FEM1B: variants seen among roughly 807,000 people sequenced by gnomAD.
FEM1B encodes protein fem-1 homolog B.
In FEM1B, 10 loss-of-function variants were observed where a neutral mutation model predicts 38.6. The ratio of observed to expected loss-of-function variants is 0.26; its 90% CI spans 0.16 to 0.44. FEM1B has a LOEUF of 0.44. Among genes scored for constraint, FEM1B ranks in the 20% least tolerant of loss-of-function variants. The pLI, the probability that FEM1B is intolerant of heterozygous loss-of-function variation, is 1.00. For synonymous variants in FEM1B, 288 were observed against 288.0 expected, an observed-to-expected ratio of 1.00 and a Z score of 0.00; for missense variants, 471 against 786.7, an observed-to-expected ratio of 0.60 and a Z score of 4.80.
In FEM1B at chr15:68,289,900, A is replaced by T; in HGVS notation, c.542A>T (p.Asn181Ile). ...RYLLEQRADP[N>I]AKAHCGATAL... ...CTTTTAGAACAACGTGCTGATCCCA[A>T]TGCCAAAGCACATTGTGGAGCCACA... The change falls in exon 2 of 2, where the codon AAT (asparagine) becomes ATT (isoleucine). Residue 181 changes from asparagine (N) to isoleucine (I), a missense_variant. Coordinates refer to ENST00000306917, the MANE Select transcript of FEM1B (RefSeq NM_015322.5). This position sits in a 1 kb window ranked among gnomAD's most constrained non-coding sequence, Gnocchi z 6.9. 6.2e-7 allele frequency: 1 copy of T among 1,613,998 alleles called. No individual in the cohort carries two copies. Among genetic ancestry groups the T allele is most frequent in the Non-Finnish European group, 8.5e-7 (1 of 1,179,938 alleles).
rs1180089653 is a variant in FEM1B at position 68,292,371 on chromosome 15, T to C, written c.*1129T>C. ...AGCTGCAAATTTTTCAACCACAAAA[T>C]GTCACTTATTCCTACAGGCTATACA... is the stretch of plus-strand genomic sequence containing the variant. On this transcript the variant is annotated 3_prime_UTR_variant, in exon 2 of 2. Coordinates refer to ENST00000306917, the MANE Select transcript of FEM1B (RefSeq NM_015322.5). The C allele has an allele frequency of 6.6e-6, 1 of 152,190 alleles. No homozygotes were observed. The highest frequency in any genetic ancestry group is 1.5e-5 in the Non-Finnish European group (1 of 68,018). 9.4% of individuals were successfully genotyped at this position (152,190 alleles called of 1,614,324 possible). A position where few individuals can be genotyped will look rare whatever the true frequency, so the allele number is the denominator to read the frequency against.
rs1043137452 is a variant in FEM1B at position 68,278,303 on chromosome 15, C to A, written c.-115C>A. ...CCTGGGCGCGGCGGCGGCGACGGCG[C>A]CCTGTTGAATGGGCTGTGAGGGCCC... On this transcript the variant is annotated 5_prime_UTR_variant, in exon 1 of 2. Transcript: ENST00000306917. This position sits in a 1 kb window ranked among gnomAD's most constrained non-coding sequence, Gnocchi z 5.7. 177 of 1,371,970 alleles carry A rather than the reference C, an allele frequency of 1.3e-4. No individual in the cohort carries two copies. The highest frequency in any genetic ancestry group is 7.9e-4 in the Middle Eastern group (3 of 3,796). 85.0% of individuals were successfully genotyped at this position (1,371,970 alleles called of 1,614,324 possible). A position where few individuals can be genotyped will look rare whatever the true frequency, so the allele number is the denominator to read the frequency against.
In FEM1B at chr15:68,289,820, C is replaced by T. The variant is rs1220030326; in HGVS notation, c.462C>T (p.Asp154=). ...ACATCAGCATTGCCAACAAATATGACAACACCTGCCTAATGATTGCGGCAT... is the reference window on the plus strand; with the variant it reads ...ACATCAGCATTGCCAACAAATATGATAACACCTGCCTAATGATTGCGGCAT... ...NANISIANKY[D]NTCLMIAAYK... is the part of the protein sequence containing the mutation. Residue 154 remains aspartate, a synonymous_variant, in exon 2 of 2, where the codon GAC becomes GAT. Transcript: ENST00000306917. This position sits in a 1 kb window ranked among gnomAD's most constrained non-coding sequence, Gnocchi z 6.9. The T allele has an allele frequency of 1.9e-6, 3 of 1,614,108 alleles. No individual in the cohort carries two copies. In the Admixed American group the frequency reaches 5.0e-5, roughly 27 times the overall value.
chr15:68,290,976 G>C lies in FEM1B; in HGVS notation c.1618G>C (p.Val540Leu). ...NEGNSALHII[V>L]QYNRPISDFL... is the part of the protein sequence containing the mutation. Reference sequence around the variant, plus strand: ...GGGAAACAGTGCCCTTCATATTATCGTTCAGTACAACAGGCCCATCAGTGA... The same window carrying C: ...GGGAAACAGTGCCCTTCATATTATCCTTCAGTACAACAGGCCCATCAGTGA... Residue 540 changes from valine to leucine, a missense_variant, in exon 2 of 2, where the codon GTT becomes CTT. Around this residue, in one of 3 missense-constraint regions of FEM1B, gnomAD observed 380 missense variants for 599.6 expected, o/e 0.63. Transcript: ENST00000306917. This position sits in a 1 kb window ranked among gnomAD's most constrained non-coding sequence, Gnocchi z 9.7. 1 of 1,614,112 alleles carries C rather than the reference G, an allele frequency of 6.2e-7. No homozygotes were observed. Among genetic ancestry groups the C allele is most frequent in the Non-Finnish European group, 8.5e-7 (1 of 1,180,014 alleles).
chr15:68,286,387 C>T (rs1306408253), intron 1 of FEM1B, among the ~76,000 whole-genome samples: 1 of 151,862 alleles, frequency 6.6e-6, no homozygotes, highest in Non-Finnish European at 1.5e-5. Flanking sequence ...TCTCTCCTTC[C>T]CATTTTAGAG....
chr15:68,283,885 C>CTTTT (rs35187853), intron 1 of FEM1B, among the ~76,000 whole-genome samples: 1 of 139,156 alleles, frequency 7.2e-6, no homozygotes, highest in Non-Finnish European at 1.6e-5. Flanking sequence ...CTCACGTAAA[C>CTTTT]TTTTTTTTTT....
chr15:68,282,452 T>C (rs1316362405), intron 1 of FEM1B, among the ~76,000 whole-genome samples: 2 of 152,236 alleles, frequency 1.3e-5, no homozygotes, highest in East Asian at 1.9e-4. Context: ...CATTTATATT[T>C]AATGAATTTT....
chr15:68,287,130 A>T (rs1892797707), intron 1 of FEM1B, among the ~76,000 whole-genome samples: 1 of 152,220 alleles, frequency 6.6e-6, no homozygotes, highest in Non-Finnish European at 1.5e-5. Context: ...ACCTCCGGTG[A>T]TCCGCCTGCT....
rs746831997 is a variant in FEM1B at position 68,288,751 on chromosome 15, A to G, written c.249-856A>G. ...TTTTCCTGTAGTGGTTGATTGAGGA[A>G]CACACAGACAAGCAGTATATGCACA... On this transcript the variant is annotated intron_variant, in intron 1 of 1. Transcript: ENST00000306917. The surrounding 1 kb of genome is among the most constrained non-coding windows in gnomAD (Gnocchi z 4.6). Among the ~76,000 whole-genome samples, 6 of 152,198 alleles carry G rather than the reference A, an allele frequency of 3.9e-5. No homozygotes were observed. The highest frequency in any genetic ancestry group is 5.9e-5 in the Non-Finnish European group (4 of 68,042).
In FEM1B at chr15:68,290,276, T is replaced by C; in HGVS notation, c.918T>C (p.Thr306=). ...CAATCCATGCTTATGGGAATAGAACTGAATGTAGAAATCCTCAGGAACTGG... is the reference window on the plus strand; with the variant it reads ...CAATCCATGCTTATGGGAATAGAACCGAATGTAGAAATCCTCAGGAACTGG... ...LPPIHAYGNR[T]ECRNPQELES... is the part of the protein sequence containing the mutation. The change falls in exon 2 of 2, where the codon ACT becomes ACC. Residue 306 remains threonine, a synonymous_variant. Transcript: ENST00000306917. This position sits in a 1 kb window ranked among gnomAD's most constrained non-coding sequence, Gnocchi z 9.7. 1 of 1,614,094 alleles carries C rather than the reference T, an allele frequency of 6.2e-7. No homozygotes were observed. Among genetic ancestry groups the C allele is most frequent in the South Asian group, 1.1e-5 (1 of 91,086 alleles).
At chr15:68,283,558 ATGGATCCCT>A (rs150749745) in intron 1 of FEM1B, among the ~76,000 whole-genome samples, 1,528 of 141,606 alleles carry the variant, frequency 0.011, 37 homozygotes, top group African/African-American at 0.038. Context: ...GCTGAGGTGG[ATGGATCCCT>A]TGAGCCTGGG....
rs1464371749 is a variant in FEM1B at position 68,288,688 on chromosome 15, T to G, written c.249-919T>G. Among the ~76,000 whole-genome samples, 2 of 152,216 alleles carry G rather than the reference T, an allele frequency of 1.3e-5. No homozygotes were observed. Among genetic ancestry groups the G allele is most frequent in the African/African-American group, 2.4e-5 (1 of 41,456 alleles). On this transcript the variant is annotated intron_variant, in intron 1 of 1. Transcript: ENST00000306917. This position sits in a 1 kb window ranked among gnomAD's most constrained non-coding sequence, Gnocchi z 4.6. ...ATGTCAGAGAAGATATCTGCTTGGTTTTCCAAAAGTGCTAATTATTTCCTG... is the reference window on the plus strand; with the variant it reads ...ATGTCAGAGAAGATATCTGCTTGGTGTTCCAAAAGTGCTAATTATTTCCTG...
In FEM1B at chr15:68,292,020, C is replaced by T. The variant is rs1031757898; in HGVS notation, c.*778C>T. The T allele has an allele frequency of 1.3e-5, 2 of 152,246 alleles. No individual in the cohort carries two copies. The highest frequency in any genetic ancestry group is 4.1e-4 in the South Asian group (2 of 4,826). 9.4% of individuals were successfully genotyped at this position (152,246 alleles called of 1,614,324 possible). ...TTGCAGCAGTCTATTTGATTCAGCTCATAGACATGTAAAAATTATGAATGC... is the reference window on the plus strand; with the variant it reads ...TTGCAGCAGTCTATTTGATTCAGCTTATAGACATGTAAAAATTATGAATGC... On this transcript the variant is annotated 3_prime_UTR_variant, in exon 2 of 2. Coordinates refer to ENST00000306917, the MANE Select transcript of FEM1B (RefSeq NM_015322.5).
intron 1 of FEM1B, among the ~76,000 whole-genome samples, chr15:68,283,799 T>A (rs1433673556): frequency 4.6e-5 from 7 of 152,196 alleles, no homozygotes; most frequent in Admixed American, 4.6e-4. Flanking sequence ...AAACAAATGT[T>A]TGAACAATGA....
rs1279665142 is a variant in FEM1B, at chr15:68,290,276, T to A, written c.918T>A (p.Thr306=). The change falls in exon 2 of 2, where the codon ACT becomes ACA. Residue 306 remains threonine, a synonymous_variant. Transcript: ENST00000306917. The surrounding 1 kb of genome is among the most constrained non-coding windows in gnomAD (Gnocchi z 9.7). ...LPPIHAYGNR[T]ECRNPQELES... Reference sequence around the variant, plus strand: ...CAATCCATGCTTATGGGAATAGAACTGAATGTAGAAATCCTCAGGAACTGG... The same window carrying A: ...CAATCCATGCTTATGGGAATAGAACAGAATGTAGAAATCCTCAGGAACTGG... The A allele has an allele frequency of 5.6e-6, 9 of 1,614,094 alleles. No homozygotes were observed. Among genetic ancestry groups the A allele is most frequent in the Non-Finnish European group, 7.6e-6 (9 of 1,180,024 alleles).
At position 68,294,586 on chromosome 15, in the gene FEM1B, GTTTC is replaced by G. The variant is rs1367184097; in HGVS notation, c.*3348_*3351del. ...CACTTTGGGTTATTTAAGCAGAAGCGTTTCTTTTTTTTTTTTGGAATGGGGTGGG... is the reference window on the plus strand; with the variant it reads ...CACTTTGGGTTATTTAAGCAGAAGCGTTTTTTTTTTTTGGAATGGGGTGGG... On this transcript the variant is annotated 3_prime_UTR_variant, in exon 2 of 2. Coordinates refer to ENST00000306917, the MANE Select transcript of FEM1B (RefSeq NM_015322.5). The surrounding 1 kb of genome is among the most constrained non-coding windows in gnomAD (Gnocchi z 4.4). 1.3e-5 allele frequency: 2 copies of G among 150,828 alleles called. No individual in the cohort carries two copies. The highest frequency in any genetic ancestry group is 2.1e-4 in the South Asian group (1 of 4,812). The allele number at this position is 150,828 out of a possible 1,614,324, so 9.3% of individuals were successfully genotyped here. A position where few individuals can be genotyped will look rare whatever the true frequency, so the allele number is the denominator to read the frequency against.
rs1595841277 is a variant in FEM1B, at chr15:68,288,514, T to C, written c.249-1093T>C. 6.6e-6 allele frequency among the ~76,000 whole-genome samples: 1 copy of C among 152,196 alleles called. No homozygotes were observed. The highest frequency in any genetic ancestry group is 1.5e-5 in the Non-Finnish European group (1 of 68,030). On this transcript the variant is annotated intron_variant, in intron 1 of 1. Coordinates refer to ENST00000306917, the MANE Select transcript of FEM1B (RefSeq NM_015322.5). The surrounding 1 kb of genome is among the most constrained non-coding windows in gnomAD (Gnocchi z 4.6). Reference sequence around the variant, plus strand: ...GTCTTTTGGTTAGTGGTAAGAAATTTAGAAATTAAGGTTGGGGAAAAATTG... The same window carrying C: ...GTCTTTTGGTTAGTGGTAAGAAATTCAGAAATTAAGGTTGGGGAAAAATTG...
At position 68,279,578 on chromosome 15, in the gene FEM1B, A is replaced by G. The variant is rs571784769; in HGVS notation, c.248+913A>G. Among the ~76,000 whole-genome samples, 11 of 152,234 alleles carry G rather than the reference A, an allele frequency of 7.2e-5. No homozygotes were observed. The South Asian group carries it at 2.3e-3, about 32-fold the overall frequency. On this transcript the variant is annotated intron_variant, in intron 1 of 1. Coordinates refer to ENST00000306917, the MANE Select transcript of FEM1B (RefSeq NM_015322.5). ...CTTGTGGTAGTACATAAGCTATTTTAGCATTTTTTTTTTCTTTTGAAGTCA... is the reference window on the plus strand; with the variant it reads ...CTTGTGGTAGTACATAAGCTATTTTGGCATTTTTTTTTTCTTTTGAAGTCA...
In FEM1B at chr15:68,277,831, C is replaced by T. The variant is rs1389409537; in HGVS notation, c.-587C>T. Reference sequence around the variant, plus strand: ...TCTTGCGGGAGCGTTCCGCATCGCCCCGGGGGCCCCTACGCGAGGATCTCC... The same window carrying T: ...TCTTGCGGGAGCGTTCCGCATCGCCTCGGGGGCCCCTACGCGAGGATCTCC... On this transcript the variant is annotated 5_prime_UTR_variant, in exon 1 of 2. Coordinates refer to ENST00000306917, the MANE Select transcript of FEM1B (RefSeq NM_015322.5). The T allele has an allele frequency of 6.6e-6, 1 of 152,400 alleles. No homozygotes were observed. Among genetic ancestry groups the T allele is most frequent in the African/African-American group, 2.4e-5 (1 of 41,474 alleles). 9.4% of individuals were successfully genotyped at this position (152,400 alleles called of 1,614,324 possible).
Sources: gnomAD v4.1 joint callset for allele counts (sites outside exome capture counted in the v4.1 genomes callset) on GRCh38, gnomAD v4.1.1 for gene constraint, gnomAD v4.1.1 regional missense constraint, Gnocchi (gnomAD v3.1) non-coding constraint, MANE v1.5 for transcripts, NCBI Gene and HGNC (gene_info 2026-07-23, HGNC 2026-07-21) for gene names.